The following AGAP1 variants were observed in gnomAD, a reference collection of about 807,000 sequenced individuals.
AGAP1 encodes ArfGAP with GTPase domain, ankyrin repeat and PH domain 1.
Under a neutral mutation model 105.3 loss-of-function variants are expected in AGAP1, and 29 were observed. The ratio of observed to expected loss-of-function variants is 0.28; its 90% confidence interval spans 0.21 to 0.38. The LOEUF is 0.38. Ranked by LOEUF, AGAP1 falls within the 10% of genes least tolerant of loss-of-function variation. The pLI is 1.00. For missense variants in AGAP1, 998 were observed against 1,165.1 expected (o/e 0.86, Z 2.09); for synonymous variants, 509 against 485.9 (o/e 1.05, Z -0.63).
chr2:236,074,614 G>T (rs1304849626), intron 16 of AGAP1, among the ~76,000 whole-genome samples: 1 of 152,148 alleles, frequency 6.6e-6, no homozygotes, highest in Admixed American at 6.5e-5. Context: ...AAATAAATGT[G>T]TAAAAATGTT....
At chr2:235,782,064 C>CT (rs1956296776) in intron 6 of AGAP1, among the ~76,000 whole-genome samples, 1 of 152,192 alleles carries the variant, frequency 6.6e-6, no homozygotes, top group Non-Finnish European at 1.5e-5. Flanking sequence ...GACAGCAGGA[C>CT]TAACTCTTCA....
rs2050085890 is a variant in AGAP1, at chr2:235,882,620, C to CACCTATAATCCTACAAAACT, written c.1051-725_1051-724insACCTATAATCCTACAAAACT. On this transcript the variant is annotated intron_variant, in intron 9 of 17. Coordinates refer to ENST00000304032, the MANE Select transcript of AGAP1 (RefSeq NM_001037131.3). The surrounding 1 kb of genome is among the most constrained non-coding windows in gnomAD (Gnocchi z 4.6). ...CTGGGATTATAGGTGCCCACCACTG[C>CACCTATAATCCTACAAAACT]GTCCAGCTAATTTTTGTATTTTTAG... 1 of 386,326 alleles carries CACCTATAATCCTACAAAACT rather than the reference C, an allele frequency of 2.6e-6. No homozygotes were observed. Among genetic ancestry groups the CACCTATAATCCTACAAAACT allele is most frequent in the Admixed American group, 4.3e-5 (1 of 23,322 alleles). 23.9% of individuals were successfully genotyped at this position (386,326 alleles called of 1,614,324 possible).
intron 1 of AGAP1, among the ~76,000 whole-genome samples, chr2:235,640,265 C>A (rs971811550): frequency 6.6e-6 from 1 of 152,222 alleles, no homozygotes; most frequent in African/African-American, 2.4e-5. Flanking sequence ...CTCCCATCTC[C>A]CTAGCTCTGG....
intron 16 of AGAP1, among the ~76,000 whole-genome samples, chr2:236,085,507 C>T (rs1430304293): frequency 6.6e-6 from 1 of 152,218 alleles, no homozygotes; most frequent in Non-Finnish European, 1.5e-5. Flanking sequence ...CATTTGTCCC[C>T]AGTTTCCCCA....
intron 12 of AGAP1, among the ~76,000 whole-genome samples, chr2:235,932,629 T>A (rs1410340725): frequency 6.6e-6 from 1 of 152,144 alleles, no homozygotes; most frequent in Non-Finnish European, 1.5e-5. Flanking sequence ...GTGAGAGTAG[T>A]CTAGGTGCCA....
intron 16 of AGAP1, among the ~76,000 whole-genome samples, chr2:236,100,020 A>G (rs536508863): frequency 9.9e-5 from 15 of 152,254 alleles, no homozygotes; most frequent in Middle Eastern, 3.4e-3. Context: ...AGCCTGAGCA[A>G]TAGAGCAAGA....
intron 13 of AGAP1, among the ~76,000 whole-genome samples, chr2:235,969,659 A>G (rs1000238520): frequency 3.9e-5 from 6 of 152,186 alleles, no homozygotes; most frequent in African/African-American, 9.6e-5. Flanking sequence ...TCCCGTCCAC[A>G]TATCCAGAGC....
At position 235,815,734 on chromosome 2, in the gene AGAP1, T is replaced by C. The variant is rs553303743; in HGVS notation, c.1050+8403T>C. Among the ~76,000 whole-genome samples the C allele has an allele frequency of 2.3e-3, 350 of 152,360 alleles. 4 individuals are homozygous for C. The highest frequency in any genetic ancestry group is 7.9e-3 in the African/African-American group (327 of 41,586). On this transcript the variant is annotated intron_variant, in intron 9 of 17. Transcript: ENST00000304032. ...GCGTTAGATAGGAAGCATACGAGAC[T>C]CAAAGTACTCCGACTTGGGGGTTTC...
At chr2:235,812,841 A>G (rs1031499109) in intron 9 of AGAP1, among the ~76,000 whole-genome samples, 7 of 152,194 alleles carry the variant, frequency 4.6e-5, no homozygotes, top group Non-Finnish European at 7.3e-5. Context: ...CGAGCGTACG[A>G]TGTCCACCCA....
rs1398826501 is a variant in AGAP1 at position 236,128,383 on chromosome 2, C to T, written c.*4261C>T. The T allele has an allele frequency of 2.0e-5, 3 of 152,378 alleles. No homozygotes were observed. Among genetic ancestry groups the T allele is most frequent in the African/African-American group, 7.2e-5 (3 of 41,432 alleles). 9.4% of individuals were successfully genotyped at this position (152,378 alleles called of 1,614,324 possible). A position where few individuals can be genotyped will look rare whatever the true frequency, so the allele number is the denominator to read the frequency against. On this transcript the variant is annotated 3_prime_UTR_variant, in exon 18 of 18. Coordinates refer to ENST00000304032, the MANE Select transcript of AGAP1 (RefSeq NM_001037131.3). The surrounding 1 kb of genome is among the most constrained non-coding windows in gnomAD (Gnocchi z 5.9). ...ACAGCGCCCCTCCCTTAAGATGCCC[C>T]CTTGCCGTTGCCATGAGCCGCTGTG...
rs1212832866 is a variant in AGAP1, at chr2:235,603,226, C to T, written c.164-105953C>T. ...CCTTTTGCTCGGCTCTCGTCTCTCT[C>T]TTGCCTGCCGCCATGTAAGATGTGC... On this transcript the variant is annotated intron_variant, in intron 1 of 17. Coordinates refer to ENST00000304032, the MANE Select transcript of AGAP1 (RefSeq NM_001037131.3). Among the ~76,000 whole-genome samples the T allele has an allele frequency of 5.3e-5, 8 of 151,858 alleles. 1 individual carries two copies. The highest frequency in any genetic ancestry group is 8.8e-5 in the Non-Finnish European group (6 of 67,936).
intron 9 of AGAP1, among the ~76,000 whole-genome samples, chr2:235,840,146 A>G (rs1960642380): frequency 6.6e-6 from 1 of 152,150 alleles, no homozygotes; most frequent in Admixed American, 6.5e-5. Flanking sequence ...TAGGGGAGTT[A>G]GGGCAGGTTC....
intron 1 of AGAP1, among the ~76,000 whole-genome samples, chr2:235,678,623 C>A (rs780771546): frequency 2.6e-5 from 4 of 152,068 alleles, no homozygotes; most frequent in Admixed American, 6.6e-5. Context: ...CTTTCAGGAT[C>A]TAGGATTTGA....
At chr2:235,567,634 G>A (rs571170552) in intron 1 of AGAP1, among the ~76,000 whole-genome samples, 58 of 152,100 alleles carry the variant, frequency 3.8e-4, no homozygotes, top group South Asian at 3.3e-3. Flanking sequence ...CCAGCCGGTC[G>A]CATACTGTGG....
Position 235,634,243 on chromosome 2 carries a change from C to T in AGAP1, c.164-74936C>T, listed in dbSNP as rs532462388. ...ATACATGTTTGAGTTTGCATTGGTG[C>T]ATTGCTAGAGGAAAGCACCCAGTTC... On this transcript the variant is annotated intron_variant, in intron 1 of 17. Coordinates refer to ENST00000304032, the MANE Select transcript of AGAP1 (RefSeq NM_001037131.3). Among the ~76,000 whole-genome samples the T allele has an allele frequency of 2.0e-5, 3 of 152,320 alleles. No individual in the cohort carries two copies. The South Asian group carries it at 6.2e-4, about 32-fold the overall frequency.
In AGAP1 at chr2:235,621,304, G is replaced by A. The variant is rs1946470967; in HGVS notation, c.164-87875G>A. Among the ~76,000 whole-genome samples, 1 of 152,166 alleles carries A rather than the reference G, an allele frequency of 6.6e-6. No homozygotes were observed. The highest frequency in any genetic ancestry group is 1.5e-5 in the Non-Finnish European group (1 of 68,034). On this transcript the variant is annotated intron_variant, in intron 1 of 17. Transcript: ENST00000304032. This position sits in a 1 kb window ranked among gnomAD's most constrained non-coding sequence, Gnocchi z 4.1. ...CCCAAAGTGCTAGGATTACAGGTGT[G>A]AGCCACCACGCCCAGCCGATCTATT...
At chr2:235,521,738 A>ATGTGTGTG (rs57501632) in intron 1 of AGAP1, among the ~76,000 whole-genome samples, 42 of 116,740 alleles carry the variant, frequency 3.6e-4, no homozygotes, top group African/African-American at 1.9e-3. Flanking sequence ...TGTTTGTTAT[A>ATGTGTGTG]TATATGTGTG....
chr2:235,818,237 C>T (rs1213252666), intron 9 of AGAP1, among the ~76,000 whole-genome samples: 1 of 152,196 alleles, frequency 6.6e-6, no homozygotes, highest in African/African-American at 2.4e-5. Flanking sequence ...CTCCACCAAC[C>T]TAAGATACAA....
intron 1 of AGAP1, among the ~76,000 whole-genome samples, chr2:235,536,620 G>A (rs1354272461): frequency 4.0e-5 from 4 of 101,134 alleles, no homozygotes; most frequent in East Asian, 3.0e-4. Context: ...TTTGTGTGTC[G>A]CATCCTTCAC....
Sources: allele counts gnomAD v4.1 joint callset (sites outside exome capture counted in the v4.1 genomes callset), GRCh38; gene constraint gnomAD v4.1.1; non-coding constraint Gnocchi (gnomAD v3.1); transcripts MANE v1.5; gene names NCBI Gene and HGNC (gene_info 2026-07-23, HGNC 2026-07-21).